SPOCK1: variants seen among roughly 807,000 people sequenced by gnomAD.
SPOCK1 encodes SPARC (osteonectin), cwcv and kazal like domains proteoglycan 1.
In SPOCK1, 23 loss-of-function variants were observed where a neutral mutation model predicts 55.3. The observed-to-expected ratio is 0.42, with a 90% CI of 0.30 to 0.59. The LOEUF (loss-of-function observed/expected upper bound fraction) is 0.59. Among genes scored for constraint, SPOCK1 ranks in the 20% least tolerant of loss-of-function variants. The probability of loss-of-function intolerance (pLI) is 0.22; values close to 1 mark genes in which losing one functional copy is unlikely to be tolerated. For synonymous variants in SPOCK1, 226 were observed against 221.0 expected (o/e 1.02, Z -0.20); for missense variants, 499 against 552.5 (o/e 0.90, Z 0.97).
intron 2 of SPOCK1, among the ~76,000 whole-genome samples, chr5:137,377,296 A>G (rs978206087): frequency 6.6e-6 from 1 of 152,206 alleles, no homozygotes; most frequent in Non-Finnish European, 1.5e-5. Context: ...ATGCCTCTGC[A>G]ACACAGGACT....
chr5:136,982,015 T>C (rs1293951476), intron 9 of SPOCK1, among the ~76,000 whole-genome samples: 1 of 152,234 alleles, frequency 6.6e-6, no homozygotes, highest in Admixed American at 6.5e-5. Flanking sequence ...TAATTCCCAT[T>C]GTGTTACAAT....
At chr5:137,360,419 G>A (rs1414438109) in intron 2 of SPOCK1, among the ~76,000 whole-genome samples, 1 of 152,192 alleles carries the variant, frequency 6.6e-6, no homozygotes, top group Non-Finnish European at 1.5e-5. Context: ...CAGGATCCGG[G>A]ATCTCACAAC....
At chr5:137,312,438 T>G (rs1269680609) in intron 2 of SPOCK1, among the ~76,000 whole-genome samples, 2 of 152,170 alleles carry the variant, frequency 1.3e-5, no homozygotes, top group African/African-American at 4.8e-5. Context: ...GCTGAGGCCT[T>G]CAGGAAAACC....
chr5:137,083,695 G>T (rs7710755), intron 5 of SPOCK1, among the ~76,000 whole-genome samples: 101,435 of 151,998 alleles, frequency 0.67, 37,462 homozygotes, highest in Non-Finnish European at 0.83. Flanking sequence ...ACTTGCTATG[G>T]GAGAGCCGAA....
rs1754163913 is a variant in SPOCK1, at chr5:137,490,995, G to T, written c.186+7378C>A. Among the ~76,000 whole-genome samples the T allele has an allele frequency of 2.0e-5, 3 of 152,260 alleles. No homozygotes were observed. In the South Asian group the frequency reaches 6.2e-4, roughly 32 times the overall value. On this transcript the variant is annotated intron_variant, in intron 2 of 10. Transcript: ENST00000394945. ...CAACTCACACTCACAAGCCAGACAAGAAGCTCCCTTAAATTAAATGATTAT... is the reference window on the plus strand; with the variant it reads ...CAACTCACACTCACAAGCCAGACAATAAGCTCCCTTAAATTAAATGATTAT...
intron 2 of SPOCK1, among the ~76,000 whole-genome samples, chr5:137,482,438 T>G (rs933504235): frequency 5.3e-5 from 8 of 152,078 alleles, no homozygotes; most frequent in African/African-American, 1.7e-4. Context: ...GATATTAGAA[T>G]TATACAGGGA....
intron 6 of SPOCK1, among the ~76,000 whole-genome samples, chr5:137,020,878 A>G (rs536659834): frequency 6.6e-6 from 1 of 152,216 alleles, no homozygotes; most frequent in African/African-American, 2.4e-5. Context: ...CAAAAGTTAA[A>G]AACAACCTAA....
intron 6 of SPOCK1, among the ~76,000 whole-genome samples, chr5:137,030,684 T>C (rs1294736561): frequency 6.6e-6 from 1 of 152,220 alleles, no homozygotes; most frequent in Admixed American, 6.5e-5. Flanking sequence ...GATATGTTGG[T>C]AGCATGGATG....
intron 9 of SPOCK1, among the ~76,000 whole-genome samples, chr5:136,982,979 G>A (rs1054913974): frequency 1.3e-5 from 2 of 152,118 alleles, no homozygotes; most frequent in Non-Finnish European, 2.9e-5. Flanking sequence ...TGTACTGTGG[G>A]TAATCTTTAT....
At chr5:137,036,697 C>T (rs1323733925) in intron 6 of SPOCK1, among the ~76,000 whole-genome samples, 5 of 152,202 alleles carry the variant, frequency 3.3e-5, no homozygotes, top group South Asian at 2.1e-4. Flanking sequence ...ACGGTAAGGC[C>T]GGAATGTGAT....
At chr5:137,012,603 T>G (rs1751372599) in intron 6 of SPOCK1, among the ~76,000 whole-genome samples, 1 of 152,162 alleles carries the variant, frequency 6.6e-6, no homozygotes, top group Admixed American at 6.5e-5. Context: ...GCTGTCTGAT[T>G]CCAGGTCCCA....
In SPOCK1 at chr5:137,449,727, A is replaced by AAAAAT. The variant is rs374226935; in HGVS notation, c.186+48641_186+48645dup. ...ATCACAGTGGAACCCCATCTCTATG[A>AAAAAT]AAAATAAAATAAAATAAAATAGCCA... On this transcript the variant is annotated intron_variant, in intron 2 of 10. Coordinates refer to ENST00000394945, the MANE Select transcript of SPOCK1 (RefSeq NM_004598.4). Among the ~76,000 whole-genome samples the AAAAAT allele has an allele frequency of 4.4e-3, 672 of 151,572 alleles. 5 individuals carry two copies. Among genetic ancestry groups the AAAAAT allele is most frequent in the African/African-American group, 0.015 (638 of 41,268 alleles).
intron 3 of SPOCK1, among the ~76,000 whole-genome samples, chr5:137,242,070 C>T (rs1756292760): frequency 1.3e-5 from 2 of 152,174 alleles, no homozygotes. Context: ...GTCTATTTAA[C>T]ACTAAAAAAC....
At chr5:137,315,273 T>C (rs1228823202) in intron 2 of SPOCK1, among the ~76,000 whole-genome samples, 2 of 152,238 alleles carry the variant, frequency 1.3e-5, no homozygotes, top group Non-Finnish European at 2.9e-5. Flanking sequence ...TCCATGGGGC[T>C]GTACTCCATG....
chr5:137,005,411 A>G (rs1015103500), intron 6 of SPOCK1, among the ~76,000 whole-genome samples: 3 of 152,156 alleles, frequency 2.0e-5, no homozygotes, highest in African/African-American at 7.2e-5. Flanking sequence ...TTGAAAAAAA[A>G]AGGAAAAGAG....
chr5:137,116,022 A>T (rs1753570990), intron 4 of SPOCK1, among the ~76,000 whole-genome samples: 1 of 152,188 alleles, frequency 6.6e-6, no homozygotes, highest in African/African-American at 2.4e-5. Context: ...AACTGGGGTG[A>T]CACAACAATT....
chr5:137,183,708 C>A (rs1038967205), intron 3 of SPOCK1, among the ~76,000 whole-genome samples: 1 of 152,250 alleles, frequency 6.6e-6, no homozygotes, highest in African/African-American at 2.4e-5. Context: ...GAGCCTCAAT[C>A]TCTCGAAAGG....
intron 6 of SPOCK1, among the ~76,000 whole-genome samples, chr5:137,005,991 G>A (rs1751239349): frequency 6.6e-6 from 1 of 152,132 alleles, no homozygotes; most frequent in South Asian, 2.1e-4. Flanking sequence ...GAAATATCTG[G>A]TTTGTCAAAG....
intron 2 of SPOCK1, among the ~76,000 whole-genome samples, chr5:137,453,590 C>T (rs564900268): frequency 3.9e-5 from 6 of 152,264 alleles, no homozygotes; most frequent in South Asian, 4.2e-4. Context: ...GAATCTAGAG[C>T]GCTAATTTCA....
Sources: gnomAD v4.1 joint callset for allele counts (sites outside exome capture counted in the v4.1 genomes callset) on GRCh38, gnomAD v4.1.1 for gene constraint, MANE v1.5 for transcripts, NCBI Gene and HGNC (gene_info 2026-07-23, HGNC 2026-07-21) for gene names.